NHSL1: variants seen among roughly 807,000 people sequenced by gnomAD.
NHSL1 encodes the protein NHS like 1.
In NHSL1, 48 loss-of-function variants were observed where a neutral mutation model predicts 95.0. The observed-to-expected ratio is 0.51, with a 90% CI of 0.40 to 0.64. The LOEUF (loss-of-function observed/expected upper bound fraction) is 0.64. NHSL1 is among the 30% of genes least tolerant of loss of function. The pLI is 0.00. For missense variants in NHSL1, 1,971 were observed against 2,077.7 expected, an observed-to-expected ratio of 0.95 and a Z score of 1.00; for synonymous variants, 783 against 833.9, an observed-to-expected ratio of 0.94 and a Z score of 1.05.
At chr6:138,609,651 A>G (rs946142565) in intron 1 of NHSL1, among the ~76,000 whole-genome samples, 1 of 150,384 alleles carries the variant, frequency 6.6e-6, no homozygotes, top group East Asian at 2.0e-4. Flanking sequence ...TCGGGAGGCT[A>G]AGGCAGGAGA....
At chr6:138,467,049 T>C (rs1446608399) in intron 3 of NHSL1, among the ~76,000 whole-genome samples, 1 of 151,900 alleles carries the variant, frequency 6.6e-6, no homozygotes, top group African/African-American at 2.4e-5. Flanking sequence ...AAACAAAATA[T>C]GACACAATTA....
upstream of NHSL1, among the ~76,000 whole-genome samples, chr6:138,501,279 T>A (rs1454278010): frequency 1.3e-5 from 2 of 152,222 alleles, no homozygotes; most frequent in Non-Finnish European, 1.5e-5. Flanking sequence ...TAACTGCTAC[T>A]CTTTCATTTC....
At chr6:138,535,768 G>A (rs900001960) in intron 1 of NHSL1, among the ~76,000 whole-genome samples, 1 of 152,130 alleles carries the variant, frequency 6.6e-6, no homozygotes, top group Non-Finnish European at 1.5e-5. Flanking sequence ...ATTCATATCT[G>A]CAGTTCAGTA....
At chr6:138,456,562 T>G (rs1206437931) in intron 3 of NHSL1, among the ~76,000 whole-genome samples, 1 of 152,202 alleles carries the variant, frequency 6.6e-6, no homozygotes, top group Non-Finnish European at 1.5e-5. Flanking sequence ...GGGGTGAATT[T>G]TACACAAGAG....
intron 1 of NHSL1, among the ~76,000 whole-genome samples, chr6:138,533,204 G>C (rs1281667877): frequency 1.3e-5 from 2 of 151,940 alleles, no homozygotes; most frequent in African/African-American, 4.8e-5. Flanking sequence ...TAATCAAATG[G>C]ACCTAAAAAT....
At chr6:138,654,940 T>C (rs562410742) in intron 1 of NHSL1, among the ~76,000 whole-genome samples, 30 of 152,268 alleles carry the variant, frequency 2.0e-4, no homozygotes, top group Non-Finnish European at 3.4e-4. Flanking sequence ...TGAAAAGAGG[T>C]TGACAGTGTC....
intron 1 of NHSL1, among the ~76,000 whole-genome samples, chr6:138,594,510 A>C (rs1040862401): frequency 2.6e-5 from 4 of 152,016 alleles, no homozygotes; most frequent in Non-Finnish European, 4.4e-5. Flanking sequence ...GTCTATTTCA[A>C]TGTTTTTTGA....
intron 1 of NHSL1, among the ~76,000 whole-genome samples, chr6:138,653,353 A>G (rs1785115952): frequency 6.6e-6 from 1 of 152,194 alleles, no homozygotes; most frequent in Non-Finnish European, 1.5e-5. Context: ...CAAGGGATCA[A>G]GACCATCCTG....
At chr6:138,614,310 G>C (rs1483583881) in intron 1 of NHSL1, among the ~76,000 whole-genome samples, 2 of 152,182 alleles carry the variant, frequency 1.3e-5, no homozygotes, top group African/African-American at 2.4e-5. Flanking sequence ...TTGTGACTGT[G>C]AGATGACAAA....
In NHSL1 at chr6:138,471,360, T is replaced by C. The variant is rs370447908; in HGVS notation, c.339+1946A>G. ...TCTGAGCATCAGTATAAGGCTAAAG[T>C]GTATCTGAATAAACAGAAGTCCTAC... On this transcript the variant is annotated intron_variant, in intron 3 of 7. Coordinates refer to ENST00000343505, the MANE Select transcript of NHSL1 (RefSeq NM_001144060.2). 2.4e-4 allele frequency among the ~76,000 whole-genome samples: 37 copies of C among 152,328 alleles called. No homozygotes were observed. In the South Asian group the frequency reaches 6.6e-3, roughly 27 times the overall value.
chr6:138,434,808 A>C (rs1003878839), intron 5 of NHSL1, among the ~76,000 whole-genome samples: 2 of 152,062 alleles, frequency 1.3e-5, no homozygotes, highest in East Asian at 3.9e-4. Flanking sequence ...CCCAACACAT[A>C]ATCTAACCAG....
chr6:138,562,620 C>T (rs933632925), intron 1 of NHSL1, among the ~76,000 whole-genome samples: 2 of 152,170 alleles, frequency 1.3e-5, no homozygotes, highest in Admixed American at 6.5e-5. Flanking sequence ...CGAGATCACA[C>T]CAGTCCACTC....
At chr6:138,508,210 A>G (rs934768109) in intron 1 of NHSL1, among the ~76,000 whole-genome samples, 10 of 152,180 alleles carry the variant, frequency 6.6e-5, no homozygotes, top group Admixed American at 5.2e-4. Context: ...CCAAAACACA[A>G]AGGGAGCCCT....
chr6:138,564,003 G>C lies in NHSL1; in HGVS notation c.202+7707C>G, dbSNP rs111441863. Among the ~76,000 whole-genome samples the C allele has an allele frequency of 1.4e-3, 210 of 152,234 alleles. 1 individual carries two copies. The highest frequency in any genetic ancestry group is 2.6e-3 in the Non-Finnish European group (175 of 68,014). On this transcript the variant is annotated intron_variant, in intron 1 of 6. Transcript: ENST00000427025. ...GCTTCTCCTTATCAGGCTTGGCATC[G>C]TTAATTCCATATCTCTGTTCACTAA...
chr6:138,531,944 C>A (rs566830268), intron 1 of NHSL1, among the ~76,000 whole-genome samples: 1 of 152,126 alleles, frequency 6.6e-6, no homozygotes, highest in African/African-American at 2.4e-5. Flanking sequence ...ATGAACAATA[C>A]ACATTCCCTA....
At chr6:138,580,816 T>C (rs1784042152) in intron 1 of NHSL1, among the ~76,000 whole-genome samples, 1 of 152,186 alleles carries the variant, frequency 6.6e-6, no homozygotes, top group Non-Finnish European at 1.5e-5. Flanking sequence ...AAAAGATACA[T>C]AGGTATGATT....
intron 1 of NHSL1, among the ~76,000 whole-genome samples, chr6:138,521,331 T>C (rs555937705): frequency 6.6e-5 from 10 of 152,234 alleles, no homozygotes; most frequent in East Asian, 5.8e-4. Flanking sequence ...CTGGGACTGA[T>C]TGTGCACACC....
At chr6:138,668,310 G>T (rs1175566988) in intron 1 of NHSL1, among the ~76,000 whole-genome samples, 1 of 152,102 alleles carries the variant, frequency 6.6e-6, no homozygotes, top group Admixed American at 6.5e-5. Context: ...AAGCATGGTG[G>T]CTCATGCCTG....
chr6:138,433,169 A>G lies in NHSL1; in HGVS notation c.1176T>C (p.Ser392=), dbSNP rs994371299. The G allele has an allele frequency of 6.4e-7, 1 of 1,550,744 alleles. No homozygotes were observed. The highest frequency in any genetic ancestry group is 1.4e-5 in the African/African-American group (1 of 72,788). Residue 392 remains serine (S), a synonymous_variant, in exon 6 of 8, where the codon AGT becomes AGC. Coordinates refer to ENST00000343505, the MANE Select transcript of NHSL1 (RefSeq NM_001144060.2). ...PKSQELRHFE[S]ENIMSPACVV... ...CACACGCTGGGCTCATTATATTTTC[A>G]CTCTCGAAGTGTCTCAACTCCTGGG...
Sources: allele counts gnomAD v4.1 joint callset (sites outside exome capture counted in the v4.1 genomes callset), GRCh38; gene constraint gnomAD v4.1.1; transcripts MANE v1.5; gene names NCBI Gene and HGNC (gene_info 2026-07-23, HGNC 2026-07-21).